PHACTR2: variants seen among roughly 807,000 people sequenced by gnomAD.
PHACTR2 encodes chromosome 6 open reading frame 56.
PHACTR2 carries 30 observed loss-of-function variants against 76.0 expected under a neutral mutation model. That is an observed-to-expected ratio of 0.39 (90% CI 0.30 to 0.54). PHACTR2 has a LOEUF of 0.54. Ranked by LOEUF, PHACTR2 falls within the 20% of genes least tolerant of loss-of-function variation. The pLI is 0.61. For missense variants in PHACTR2, 696 were observed against 781.1 expected, an observed-to-expected ratio of 0.89 and a Z score of 1.30; for synonymous variants, 292 against 292.5, an observed-to-expected ratio of 1.00 and a Z score of 0.02.
Position 143,754,647 on chromosome 6 carries a change from T to C in PHACTR2, c.454+735T>C, listed in dbSNP as rs1779261801. 6.6e-6 allele frequency among the ~76,000 whole-genome samples: 1 copy of C among 152,204 alleles called. No homozygotes were observed. Among genetic ancestry groups the C allele is most frequent in the South Asian group, 2.1e-4 (1 of 4,836 alleles). On this transcript the variant is annotated intron_variant, in intron 4 of 12. Coordinates refer to ENST00000440869, the MANE Select transcript of PHACTR2 (RefSeq NM_001100164.2). This position sits in a 1 kb window ranked among gnomAD's most constrained non-coding sequence, Gnocchi z 6.2. ...CAGAACATTCACAAATTCCTAGTTATGGATTGATGACATCTCGATACCACT... is the reference window on the plus strand; with the variant it reads ...CAGAACATTCACAAATTCCTAGTTACGGATTGATGACATCTCGATACCACT...
intron 1 of PHACTR2, among the ~76,000 whole-genome samples, chr6:143,565,128 T>G (rs546793096): frequency 6.6e-6 from 1 of 152,362 alleles, no homozygotes; most frequent in South Asian, 2.1e-4. Flanking sequence ...TCTCTCATTC[T>G]TCTCATTTTA....
rs1474401031 is a variant in PHACTR2 at position 143,791,553 on chromosome 6, C to T, written c.1845+2643C>T. On this transcript the variant is annotated intron_variant, in intron 11 of 12. Coordinates refer to ENST00000440869, the MANE Select transcript of PHACTR2 (RefSeq NM_001100164.2). This position sits in a 1 kb window ranked among gnomAD's most constrained non-coding sequence, Gnocchi z 4.7. The stretch of plus-strand genomic sequence containing the variant: ...CATGTCCTTGAAAACAATATGTGTT[C>T]TATGGTTTGAGGGTGTGCAAATTTT... Among the ~76,000 whole-genome samples the T allele has an allele frequency of 6.6e-6, 1 of 152,072 alleles. No individual in the cohort carries two copies. The highest frequency in any genetic ancestry group is 1.5e-5 in the Non-Finnish European group (1 of 68,024).
intron 9 of PHACTR2, among the ~76,000 whole-genome samples, chr6:143,779,419 G>A (rs550534413): frequency 6.6e-6 from 1 of 150,560 alleles, no homozygotes; most frequent in Non-Finnish European, 1.5e-5. Flanking sequence ...GCACTATCTC[G>A]GCTCACTGCA....
In PHACTR2 at chr6:143,627,278, T is replaced by C. The variant is rs1268056002; in HGVS notation, c.13+18956T>C. Among the ~76,000 whole-genome samples the C allele has an allele frequency of 2.0e-5, 3 of 152,224 alleles. No individual in the cohort carries two copies. Among genetic ancestry groups the C allele is most frequent in the Non-Finnish European group, 2.9e-5 (2 of 68,042 alleles). ...GAGTCTCTAACTTTGTAGCTAAACA[T>C]TATTATTTTCAAAACTAAGATAGCT... On this transcript the variant is annotated intron_variant, in intron 1 of 11. Transcript: ENST00000305766. The surrounding 1 kb of genome is among the most constrained non-coding windows in gnomAD (Gnocchi z 4.3).
At chr6:143,732,802 A>G (rs925265169) in intron 2 of PHACTR2, among the ~76,000 whole-genome samples, 10 of 152,182 alleles carry the variant, frequency 6.6e-5, no homozygotes, top group African/African-American at 2.4e-4. Context: ...AACATTTATT[A>G]CTACCTGTCT....
At chr6:143,759,641 A>C (rs1178403771) in intron 4 of PHACTR2, among the ~76,000 whole-genome samples, 4 of 151,744 alleles carry the variant, frequency 2.6e-5, no homozygotes, top group Admixed American at 2.6e-4. Flanking sequence ...AAAAAAAAAA[A>C]ATTTTTTTTT....
Position 143,742,864 on chromosome 6 carries a change from A to G in PHACTR2, c.215-6121A>G, listed in dbSNP as rs1416696165. ...ATCATGTGATTATGCAATCGCATAC[A>G]CATGAATTTAGTAATGAACAACTTA... is the stretch of plus-strand genomic sequence containing the variant. On this transcript the variant is annotated intron_variant, in intron 2 of 12. Transcript: ENST00000440869. This position sits in a 1 kb window ranked among gnomAD's most constrained non-coding sequence, Gnocchi z 4.5. Among the ~76,000 whole-genome samples the G allele has an allele frequency of 6.6e-6, 1 of 152,254 alleles. No individual in the cohort carries two copies. The highest frequency in any genetic ancestry group is 1.5e-5 in the Non-Finnish European group (1 of 68,048).
intron 2 of PHACTR2, among the ~76,000 whole-genome samples, chr6:143,729,879 T>C (rs1339684178): frequency 6.6e-6 from 1 of 152,116 alleles, no homozygotes; most frequent in Non-Finnish European, 1.5e-5. Context: ...TTTTTTTCTC[T>C]TTTCAGATCA....
At position 143,800,390 on chromosome 6, in the gene PHACTR2, T is replaced by A. The variant is rs545758124; in HGVS notation, c.1846-6667T>A. Among the ~76,000 whole-genome samples the A allele has an allele frequency of 6.6e-6, 1 of 152,222 alleles. No homozygotes were observed. On this transcript the variant is annotated intron_variant, in intron 11 of 12. Transcript: ENST00000440869. This position sits in a 1 kb window ranked among gnomAD's most constrained non-coding sequence, Gnocchi z 4.8. ...TATTCTCCTGCCTCAGCCTCCTGAG[T>A]AGCTGGGACTACAGGTGCCCGCCAC... is the stretch of plus-strand genomic sequence containing the variant.
intron 1 of PHACTR2, among the ~76,000 whole-genome samples, chr6:143,681,759 A>G (rs539595782): frequency 6.6e-6 from 1 of 152,328 alleles, no homozygotes; most frequent in South Asian, 2.1e-4. Context: ...GTTAATTTTT[A>G]TGTATGGCGT....
chr6:143,789,122 C>T lies in PHACTR2; in HGVS notation c.1845+212C>T, dbSNP rs1775620844. On this transcript the variant is annotated intron_variant, in intron 11 of 12. Coordinates refer to ENST00000440869, the MANE Select transcript of PHACTR2 (RefSeq NM_001100164.2). This position sits in a 1 kb window ranked among gnomAD's most constrained non-coding sequence, Gnocchi z 5.1. Reference sequence around the variant, plus strand: ...AGTCTCAGAGAAAAGTAGTTATTTACCATATAACCTACCTGCTTTCATACC... The same window carrying T: ...AGTCTCAGAGAAAAGTAGTTATTTATCATATAACCTACCTGCTTTCATACC... 2.4e-6 allele frequency: 1 copy of T among 420,364 alleles called. No homozygotes were observed. The highest frequency in any genetic ancestry group is 4.3e-6 in the Non-Finnish European group (1 of 231,918). 26.0% of individuals were successfully genotyped at this position (420,364 alleles called of 1,614,324 possible).
Position 143,617,381 on chromosome 6 carries a change from A to G in PHACTR2, c.13+9059A>G, listed in dbSNP as rs1404152011. On this transcript the variant is annotated intron_variant, in intron 1 of 11. Transcript: ENST00000305766. This position sits in a 1 kb window ranked among gnomAD's most constrained non-coding sequence, Gnocchi z 4.8. Reference sequence around the variant, plus strand: ...TGAGGGCAGATGCCACATCATAGACATCTTTTATGTCTTCCAAAGAGTTAG... The same window carrying G: ...TGAGGGCAGATGCCACATCATAGACGTCTTTTATGTCTTCCAAAGAGTTAG... Among the ~76,000 whole-genome samples, 1 of 152,212 alleles carries G rather than the reference A, an allele frequency of 6.6e-6. No homozygotes were observed. The highest frequency in any genetic ancestry group is 1.5e-5 in the Non-Finnish European group (1 of 68,046).
At chr6:143,569,873 CTG>C (rs1447204356) in intron 1 of PHACTR2, among the ~76,000 whole-genome samples, 1 of 152,158 alleles carries the variant, frequency 6.6e-6, no homozygotes, top group East Asian at 1.9e-4. Context: ...ATTCAAATGA[CTG>C]AAGATTTGGG....
At chr6:143,607,870 G>A (rs1211880569), upstream of PHACTR2, among the ~76,000 whole-genome samples, 1 of 152,184 alleles carries the variant, frequency 6.6e-6, no homozygotes, top group Non-Finnish European at 1.5e-5. Flanking sequence ...AAAGGATAAT[G>A]TATTGTATTT....
chr6:143,640,059 T>C (rs539898790), intron 1 of PHACTR2, among the ~76,000 whole-genome samples: 1 of 152,300 alleles, frequency 6.6e-6, no homozygotes, highest in Non-Finnish European at 1.5e-5. Context: ...TATAACCTAG[T>C]GATGTCACAG....
rs1365708112 is a variant in PHACTR2 at position 143,828,529 on chromosome 6, A to G, written c.*4840A>G. On this transcript the variant is annotated 3_prime_UTR_variant, in exon 13 of 13. Transcript: ENST00000440869. The surrounding 1 kb of genome is among the most constrained non-coding windows in gnomAD (Gnocchi z 4.7). ...ATCCCAAATTTAAAAATCCTATTGT[A>G]TATGTTGTAAAATTTCTGGCAAAGA... The G allele has an allele frequency of 6.6e-6, 1 of 152,198 alleles. No individual in the cohort carries two copies. Among genetic ancestry groups the G allele is most frequent in the Non-Finnish European group, 1.5e-5 (1 of 68,020 alleles). 9.4% of individuals were successfully genotyped at this position (152,198 alleles called of 1,614,324 possible).
At position 143,774,274 on chromosome 6, in the gene PHACTR2, C is replaced by A; in HGVS notation, c.1589+59C>A. The A allele has an allele frequency of 1.4e-6, 2 of 1,388,056 alleles. No homozygotes were observed. Among genetic ancestry groups the A allele is most frequent in the South Asian group, 1.2e-5 (1 of 81,280 alleles). The allele number at this position is 1,388,056 out of a possible 1,614,324, so 86.0% of individuals were successfully genotyped here. On this transcript the variant is annotated intron_variant, in intron 8 of 12. Transcript: ENST00000440869. This position sits in a 1 kb window ranked among gnomAD's most constrained non-coding sequence, Gnocchi z 5.4. Reference sequence around the variant, plus strand: ...ATTTGTATTTTTCTCCCTCCCAAAGCTTCCTACCTAACTGGGGTCATTGTG... The same window carrying A: ...ATTTGTATTTTTCTCCCTCCCAAAGATTCCTACCTAACTGGGGTCATTGTG...
Position 143,633,663 on chromosome 6 carries a change from AATT to A in PHACTR2, c.13+25345_13+25347del. 6.6e-6 allele frequency among the ~76,000 whole-genome samples: 1 copy of A among 152,262 alleles called. No individual in the cohort carries two copies. The highest frequency in any genetic ancestry group is 1.5e-5 in the Non-Finnish European group (1 of 68,020). The stretch of plus-strand genomic sequence containing the variant: ...TAATTTTAATGAAGTCAAGCATATT[AATT>A]ATTTATTTCATGGATCATGCCTTTG... On this transcript the variant is annotated intron_variant, in intron 1 of 11. Transcript: ENST00000305766. This position sits in a 1 kb window ranked among gnomAD's most constrained non-coding sequence, Gnocchi z 4.1.
In PHACTR2 at chr6:143,599,771, A is replaced by G. The variant is rs1186812518; in HGVS notation, c.217+62564A>G. On this transcript the variant is annotated intron_variant, in intron 1 of 11. Transcript: ENST00000367584. This position sits in a 1 kb window ranked among gnomAD's most constrained non-coding sequence, Gnocchi z 4.6. ...TATTAAGACATACCACCCTTTCTTTATAGAGTCATGAGTCTGCAAGGGATT... is the reference window on the plus strand; with the variant it reads ...TATTAAGACATACCACCCTTTCTTTGTAGAGTCATGAGTCTGCAAGGGATT... 6.6e-6 allele frequency among the ~76,000 whole-genome samples: 1 copy of G among 152,020 alleles called. No homozygotes were observed. The highest frequency in any genetic ancestry group is 1.5e-5 in the Non-Finnish European group (1 of 68,016).
Sources: allele counts gnomAD v4.1 joint callset (sites outside exome capture counted in the v4.1 genomes callset), GRCh38; gene constraint gnomAD v4.1.1; non-coding constraint Gnocchi (gnomAD v3.1); transcripts MANE v1.5; gene names NCBI Gene and HGNC (gene_info 2026-07-23, HGNC 2026-07-21).